FAM76B: variants seen among roughly 807,000 people sequenced by gnomAD.
FAM76B encodes the protein family with sequence similarity 76 member B.
FAM76B carries 16 observed loss-of-function variants against 51.8 expected under a neutral mutation model. That is an observed-to-expected ratio of 0.31 (90% CI 0.21 to 0.47). The LOEUF is 0.47. Ranked by LOEUF, FAM76B falls within the 20% of genes least tolerant of loss-of-function variation. FAM76B has a pLI of 1.00. For synonymous variants in FAM76B, 166 were observed against 129.5 expected (o/e 1.28, Z -1.91); for missense variants, 342 against 392.6 (o/e 0.87, Z 1.09).
chr11:95,788,805 GT>G, intron 1 of FAM76B: 1 of 1,470,386 alleles, frequency 6.8e-7, no homozygotes, highest in Non-Finnish European at 9.1e-7. Flanking sequence ...TAAGAAAGCT[GT>G]CAGGGCCTAT....
At chr11:95,785,896 A>G (rs910782427) in intron 4 of FAM76B, among the ~76,000 whole-genome samples, 1 of 152,232 alleles carries the variant, frequency 6.6e-6, no homozygotes, top group African/African-American at 2.4e-5. Flanking sequence ...ATAGCCAACT[A>G]GTACAGAATA....
rs1475818638 is a variant in FAM76B at position 95,789,512 on chromosome 11, G to A, written c.-34C>T. On this transcript the variant is annotated 5_prime_UTR_variant, in exon 1 of 10. Coordinates refer to ENST00000358780, the MANE Select transcript of FAM76B (RefSeq NM_144664.5). ...TCAGTCTCCTCCTCCGCCGCCGCCC[G>A]CTCCGAGGCGGGGCCCTACGGAGAA... is the stretch of plus-strand genomic sequence containing the variant. 9.6e-6 allele frequency: 15 copies of A among 1,561,094 alleles called. No homozygotes were observed. The highest frequency in any genetic ancestry group is 1.9e-4 in the Middle Eastern group (1 of 5,216).
At chr11:95,782,952 T>C (rs1162345246) in intron 5 of FAM76B, 113 bp downstream of exon 5, 1 of 1,336,900 alleles carries the variant, frequency 7.5e-7, no homozygotes, top group Non-Finnish European at 1.0e-6. Context: ...ATGCTTACTG[T>C]GTACAATGGA....
At chr11:95,780,086 A>G (rs912893545) in intron 5 of FAM76B, among the ~76,000 whole-genome samples, 160 bp from the exon 6 acceptor site, 2 of 151,922 alleles carry the variant, frequency 1.3e-5, no homozygotes, top group Admixed American at 6.6e-5. Context: ...TATTGAATAA[A>G]TCACATTCTG....
chr11:95,783,143 G>A lies in FAM76B; in HGVS notation c.485C>T (p.Thr162Ile). Residue 162 changes from threonine (T) to isoleucine (I), a missense_variant, in exon 5 of 10, where the codon ACT becomes ATT. Thr to Ile is a moderately conservative substitution (Grantham distance 89). This residue lies in a region of FAM76B where 230 missense variants were observed against 257.4 expected (regional missense o/e 0.89). Transcript: ENST00000358780. ...TTTTGGATGATGCTGGTCTTTCTCA[G>A]TAAGAGATGAAGAAGATGAATTTGA... ...SHSNSSSSSL[T>I]EKDQHHPKHH... 2 of 1,612,836 alleles carry A rather than the reference G, an allele frequency of 1.2e-6. No homozygotes were observed. Among genetic ancestry groups the A allele is most frequent in the South Asian group, 1.1e-5 (1 of 90,972 alleles).
rs1859982862 is a variant in FAM76B at position 95,775,908 on chromosome 11, A to G, written c.930+14T>C. The G allele has an allele frequency of 6.6e-7, 1 of 1,519,324 alleles. No individual in the cohort carries two copies. Among genetic ancestry groups the G allele is most frequent in the Middle Eastern group, 1.9e-4 (1 of 5,334 alleles). 94.1% of individuals were successfully genotyped at this position (1,519,324 alleles called of 1,614,324 possible). A position where few individuals can be genotyped will look rare whatever the true frequency, so the allele number is the denominator to read the frequency against. On this transcript the variant is annotated intron_variant, in intron 9 of 9. Coordinates refer to ENST00000358780, the MANE Select transcript of FAM76B (RefSeq NM_144664.5). Reference sequence around the variant, plus strand: ...CCTTCTTGCCTATCATTTTACGTAAATGATGGTAGTTACCTGAAGTTGTTC... The same window carrying G: ...CCTTCTTGCCTATCATTTTACGTAAGTGATGGTAGTTACCTGAAGTTGTTC...
At chr11:95,787,972 C>T (rs1370328973) in intron 2 of FAM76B, among the ~76,000 whole-genome samples, 1 of 152,176 alleles carries the variant, frequency 6.6e-6, no homozygotes, top group African/African-American at 2.4e-5. Context: ...ATTACAATAC[C>T]AGTGCCTACC....
At position 95,775,929 on chromosome 11, in the gene FAM76B, T is replaced by A. The variant is rs752036691; in HGVS notation, c.923A>T (p.Gln308Leu). 7 of 1,579,206 alleles carry A rather than the reference T, an allele frequency of 4.4e-6. No individual in the cohort carries two copies. In the South Asian group the frequency reaches 4.7e-5, roughly 11 times the overall value. ...GTAAATGATGGTAGTTACCTGAAGT[T>A]GTTCCACAGTTTCTTTGTGGGCTTT... The part of the protein sequence containing the change: ...MEKAHKETVE[Q>L]LQAKNRELLK... Residue 308 changes from glutamine (Q) to leucine (L), a missense_variant, in exon 9 of 10, where the codon CAA becomes CTA. Physicochemically the swap from Gln to Leu is moderately radical, Grantham distance 113. This residue lies in a region of FAM76B where 230 missense variants were observed against 257.4 expected (regional missense o/e 0.89). Transcript: ENST00000358780.
At position 95,786,173 on chromosome 11, in the gene FAM76B, A is replaced by G. The variant is rs1860573569; in HGVS notation, c.309T>C (p.Cys103=). 6.2e-7 allele frequency: 1 copy of G among 1,614,084 alleles called. No individual in the cohort carries two copies. Among genetic ancestry groups the G allele is most frequent in the African/African-American group, 1.3e-5 (1 of 75,054 alleles). The change falls in exon 4 of 10, where the codon TGT becomes TGC. Residue 103 remains cysteine, a synonymous_variant. Transcript: ENST00000358780. ...SEKKYGPPQT[C]EQCKQQCAFD... Reference sequence around the variant, plus strand: ...AAGCACATTGCTGTTTGCACTGTTCACAGGTCTGAGGTGGTCCATACTTTT... The same window carrying G: ...AAGCACATTGCTGTTTGCACTGTTCGCAGGTCTGAGGTGGTCCATACTTTT...
Position 95,788,513 on chromosome 11 carries a change from T to A in FAM76B, c.138A>T (p.Glu46Asp). The A allele has an allele frequency of 3.1e-6, 5 of 1,612,798 alleles. No homozygotes were observed. The highest frequency in any genetic ancestry group is 4.2e-6 in the Non-Finnish European group (5 of 1,179,364). Residue 46 changes from glutamate to aspartate, a missense_variant, in exon 2 of 10, where the codon GAA becomes GAT. Transcript: ENST00000358780. ...AGTATACAAACCTCTCTTGTTGAAATTCTGATCTGCAGTAAGTACATTTTA... is the reference window on the plus strand; with the variant it reads ...AGTATACAAACCTCTCTTGTTGAAAATCTGATCTGCAGTAAGTACATTTTA... Reference protein sequence around the residue: ...PIVKCTYCRSEFQQESKTNTI... With the variant: ...PIVKCTYCRSDFQQESKTNTI...
chr11:95,782,746 A>C (rs1233465481), intron 5 of FAM76B, among the ~76,000 whole-genome samples: 1 of 152,194 alleles, frequency 6.6e-6, no homozygotes, highest in Non-Finnish European at 1.5e-5. Context: ...ACAATTATTT[A>C]AACAAAAAAA....
rs942180164 is a variant in FAM76B, at chr11:95,779,356, T to G, written c.692+251A>C. 1.3e-5 allele frequency: 7 copies of G among 523,792 alleles called. No individual in the cohort carries two copies. The Admixed American group carries it at 1.9e-4, about 14-fold the overall frequency. The allele number at this position is 523,792 out of a possible 1,614,324, so 32.4% of individuals were successfully genotyped here. ...CACTGAAGAATAAAGATAAAAATAA[T>G]GTTCTCCATTCAAATTTGTTTCTTC... On this transcript the variant is annotated intron_variant, in intron 7 of 9. Coordinates refer to ENST00000358780, the MANE Select transcript of FAM76B (RefSeq NM_144664.5).
At chr11:95,776,183 AATG>A (rs1859999402) in intron 8 of FAM76B, among the ~76,000 whole-genome samples, 160 bp from the exon 9 acceptor site, 1 of 151,562 alleles carries the variant, frequency 6.6e-6, no homozygotes, top group Non-Finnish European at 1.5e-5. Flanking sequence ...TGTTTGGTGA[AATG>A]ATGAAGTCTA....
rs1431162748 is a variant in FAM76B at position 95,771,263 on chromosome 11, T to C, written c.*298A>G. 2 of 190,964 alleles carry C rather than the reference T, an allele frequency of 1.0e-5. No homozygotes were observed. The highest frequency in any genetic ancestry group is 2.2e-5 in the Non-Finnish European group (2 of 92,134). The allele number at this position is 190,964 out of a possible 1,614,324, so 11.8% of individuals were successfully genotyped here. A position where few individuals can be genotyped will look rare whatever the true frequency, so the allele number is the denominator to read the frequency against. The stretch of plus-strand genomic sequence containing the variant: ...AAACCATACCTACTCTATTATTGCA[T>C]GTTGCGTTTCATAAAGAGCACTACT... On this transcript the variant is annotated 3_prime_UTR_variant, in exon 10 of 10. Coordinates refer to ENST00000358780, the MANE Select transcript of FAM76B (RefSeq NM_144664.5).
At chr11:95,788,011 T>C (rs1860697951) in intron 2 of FAM76B, among the ~76,000 whole-genome samples, 1 of 152,222 alleles carries the variant, frequency 6.6e-6, no homozygotes, top group Non-Finnish European at 1.5e-5. Context: ...CTGTCCAACA[T>C]TATAATGCCC....
intron 4 of FAM76B, among the ~76,000 whole-genome samples, chr11:95,785,428 C>T (rs1231519123): frequency 6.6e-6 from 1 of 152,136 alleles, no homozygotes; most frequent in Non-Finnish European, 1.5e-5. Context: ...CTGACTAAAC[C>T]TCTAAAAATA....
At chr11:95,785,319 G>A (rs1860504880) in intron 4 of FAM76B, among the ~76,000 whole-genome samples, 2 of 152,128 alleles carry the variant, frequency 1.3e-5, no homozygotes, top group Admixed American at 1.3e-4. Context: ...GGATAAGGTG[G>A]GTACTACCGT....
At chr11:95,782,561 A>G (rs548050515) in intron 5 of FAM76B, among the ~76,000 whole-genome samples, 1 of 152,158 alleles carries the variant, frequency 6.6e-6, no homozygotes, top group African/African-American at 2.4e-5. Flanking sequence ...ACAAAGTATC[A>G]TTAGTTAAAA....
At chr11:95,771,674 G>A (rs770552232) in intron 9 of FAM76B, 24 bp from the exon 10 acceptor site, 1 of 1,556,162 alleles carries the variant, frequency 6.4e-7, no homozygotes, top group Non-Finnish European at 8.8e-7. Flanking sequence ...AAACATTCAA[G>A]ATTAAAAATG....
Sources: gnomAD v4.1 joint callset for allele counts (sites outside exome capture counted in the v4.1 genomes callset) on GRCh38, gnomAD v4.1.1 for gene constraint, gnomAD v4.1.1 regional missense constraint, MANE v1.5 for transcripts, NCBI Gene and HGNC (gene_info 2026-07-23, HGNC 2026-07-21) for gene names.